CFAP61: variants seen among roughly 807,000 people sequenced by gnomAD.
The protein encoded by CFAP61 is cilia- and flagella-associated protein 61.
In CFAP61, 107 loss-of-function variants were observed where a neutral mutation model predicts 135.6. That is an observed-to-expected ratio of 0.79 (90% CI 0.67 to 0.93). CFAP61 has a LOEUF of 0.93. Among genes scored for constraint, CFAP61 ranks in the 40% least tolerant of loss-of-function variants. The pLI, the probability that CFAP61 is intolerant of heterozygous loss-of-function variation, is 0.00. For synonymous variants in CFAP61, 575 were observed against 578.5 expected, an observed-to-expected ratio of 0.99 and a Z score of 0.09; for missense variants, 1,507 against 1,556.2, an observed-to-expected ratio of 0.97 and a Z score of 0.53.
intron 8 of CFAP61, among the ~76,000 whole-genome samples, chr20:20,131,697 T>C (rs2424257): frequency 0.9 from 136,901 of 151,836 alleles, 62,538 homozygotes; most frequent in Middle Eastern, 0.99. Flanking sequence ...TTAATATATA[T>C]ATATTTTAAG....
chr20:20,120,785 T>A (rs1600766738), intron 8 of CFAP61, among the ~76,000 whole-genome samples: 2 of 152,212 alleles, frequency 1.3e-5, no homozygotes, highest in Non-Finnish European at 2.9e-5. Context: ...CATTTATTAA[T>A]ATTTGCTTTG....
At chr20:20,199,740 C>T (rs377132115) in intron 16 of CFAP61, 28 bp from the exon 17 acceptor site, 6 of 1,613,258 alleles carry the variant, frequency 3.7e-6, no homozygotes, top group Non-Finnish European at 5.1e-6. Flanking sequence ...ACATTCTCTC[C>T]CCTAAAATAT....
At chr20:20,076,763 A>G (rs1200496065) in intron 6 of CFAP61, among the ~76,000 whole-genome samples, 1 of 152,236 alleles carries the variant, frequency 6.6e-6, no homozygotes, top group Non-Finnish European at 1.5e-5. Flanking sequence ...GGCATGTAGC[A>G]GTGGTATGGC....
At chr20:20,201,740 C>T (rs7345935) in intron 17 of CFAP61, among the ~76,000 whole-genome samples, 2 of 152,320 alleles carry the variant, frequency 1.3e-5, no homozygotes, top group Admixed American at 6.5e-5. Context: ...ATGTGCCAGG[C>T]GTACAACCTT....
intron 20 of CFAP61, chr20:20,253,653 A>G: frequency 2.3e-6 from 1 of 440,914 alleles, no homozygotes; most frequent in South Asian, 1.8e-5. Context: ...GCACCTACCA[A>G]CTCCACCTTT....
chr20:20,340,802 T>C (rs1435056807), intron 25 of CFAP61, among the ~76,000 whole-genome samples: 2 of 152,102 alleles, frequency 1.3e-5, no homozygotes, highest in Non-Finnish European at 2.9e-5. Flanking sequence ...ACATACCACC[T>C]AAACAGCAAC....
In CFAP61 at chr20:20,337,306, A is replaced by ATAGATGGGTGGG. The variant is rs2122342824; in HGVS notation, c.3423-4524_3423-4523insAGATGGGTGGGT. Among the ~76,000 whole-genome samples, 7 of 69,924 alleles carry ATAGATGGGTGGG rather than the reference A, an allele frequency of 1.0e-4. 1 individual carries two copies. The highest frequency in any genetic ancestry group is 5.7e-5 in the Non-Finnish European group (2 of 34,962). 45.9% of individuals were successfully genotyped at this position (69,924 alleles called of 152,430 possible). On this transcript the variant is annotated intron_variant, in intron 25 of 26. Coordinates refer to ENST00000245957, the MANE Select transcript of CFAP61 (RefSeq NM_015585.4). ...GATGGATGGATAGATGGATGGATGG[A>ATAGATGGGTGGG]TGGATGGATGGATGGATGGATGGAT...
chr20:20,255,877 T>C (rs550526059), intron 20 of CFAP61, among the ~76,000 whole-genome samples: 1 of 152,282 alleles, frequency 6.6e-6, no homozygotes, highest in South Asian at 2.1e-4. Flanking sequence ...GCCAACAAAG[T>C]GCAAAGGTTG....
chr20:20,348,346 G>T (rs1158321823), intron 26 of CFAP61, among the ~76,000 whole-genome samples: 1 of 152,034 alleles, frequency 6.6e-6, no homozygotes, highest in Non-Finnish European at 1.5e-5. Context: ...GGAATGTAAG[G>T]GTAGTTCAAC....
chr20:20,056,761 C>A lies in CFAP61; in HGVS notation c.108C>A (p.Cys36Ter). 6.2e-7 allele frequency: 1 copy of A among 1,613,892 alleles called. No homozygotes were observed. Among genetic ancestry groups the A allele is most frequent in the Non-Finnish European group, 8.5e-7 (1 of 1,179,790 alleles). ...AAAGCCTTATTAGAAAATTTACCTG[C>A]AAGCTGTTTGGGAAGCTAAATATCA... ...CIKSLIRKFT[C>*]KLFGKLNIIY... is the part of the protein sequence containing the mutation. Residue 36 changes from cysteine (C) to a stop codon, truncating the protein, a stop_gained, in exon 2 of 27, where the codon TGC becomes TGA. Coordinates refer to ENST00000245957, the MANE Select transcript of CFAP61 (RefSeq NM_015585.4). LOFTEE classifies it high-confidence loss of function.
chr20:20,261,992 G>A (rs2052270412), intron 20 of CFAP61, among the ~76,000 whole-genome samples: 1 of 152,198 alleles, frequency 6.6e-6, no homozygotes, highest in Admixed American at 6.5e-5. Context: ...TCTCTGACAA[G>A]ACAAGGAATA....
intron 22 of CFAP61, among the ~76,000 whole-genome samples, chr20:20,286,880 T>C (rs1460217666): frequency 6.6e-6 from 1 of 152,218 alleles, no homozygotes; most frequent in Non-Finnish European, 1.5e-5. Flanking sequence ...ATGTACTACT[T>C]AACAAAAAGT....
At chr20:20,104,854 C>T (rs2048263849) in intron 8 of CFAP61, among the ~76,000 whole-genome samples, 1 of 152,174 alleles carries the variant, frequency 6.6e-6, no homozygotes, top group Non-Finnish European at 1.5e-5. Context: ...CAGGGTCTTC[C>T]CTCTGTGCCC....
chr20:20,156,171 T>A (rs974566389), intron 9 of CFAP61, among the ~76,000 whole-genome samples: 26 of 152,030 alleles, frequency 1.7e-4, no homozygotes, highest in Middle Eastern at 3.2e-3. Flanking sequence ...AATAAAAAAA[T>A]TTAAAAATTA....
intron 17 of CFAP61, among the ~76,000 whole-genome samples, chr20:20,226,496 T>A (rs1476613977): frequency 6.6e-6 from 1 of 152,208 alleles, no homozygotes; most frequent in Admixed American, 6.5e-5. Context: ...TTCACAGCCC[T>A]ATTGTGGCAA....
chr20:20,199,675 T>G, intron 16 of CFAP61, 93 bp from the exon 17 acceptor site: 3 of 1,411,874 alleles, frequency 2.1e-6, no homozygotes, highest in South Asian at 1.4e-5. Flanking sequence ...CTTGGCCGAG[T>G]TAAGAGTTTT....
chr20:20,156,164 A>G (rs1210543208), intron 9 of CFAP61, among the ~76,000 whole-genome samples: 1 of 152,140 alleles, frequency 6.6e-6, no homozygotes, highest in Non-Finnish European at 1.5e-5. Flanking sequence ...ATATTGAAAT[A>G]AAAAAATTTA....
chr20:20,314,782 C>A (rs1428719026), intron 25 of CFAP61, among the ~76,000 whole-genome samples: 1 of 132,804 alleles, frequency 7.5e-6, no homozygotes, highest in Non-Finnish European at 1.6e-5. Context: ...TGAGAATATG[C>A]GGTGTTTGGT....
chr20:20,207,919 C>A (rs1017547799), intron 17 of CFAP61, among the ~76,000 whole-genome samples: 55 of 152,104 alleles, frequency 3.6e-4, no homozygotes, highest in Non-Finnish European at 1.8e-4. Context: ...TGAAACATGC[C>A]TCTTCACTTA....
Sources: allele counts gnomAD v4.1 joint callset (sites outside exome capture counted in the v4.1 genomes callset), GRCh38; gene constraint gnomAD v4.1.1; transcripts MANE v1.5; gene names NCBI Gene and HGNC (gene_info 2026-07-23, HGNC 2026-07-21).